NKAIN2: variants seen among roughly 807,000 people sequenced by gnomAD.
NKAIN2 encodes the protein sodium/potassium transporting ATPase interacting 2.
In NKAIN2, 14 loss-of-function variants were observed where a neutral mutation model predicts 32.6. That is an observed-to-expected ratio of 0.43 (90% CI 0.28 to 0.67). The LOEUF (loss-of-function observed/expected upper bound fraction) is 0.67, where lower values mean the gene tolerates loss of function less well. Ranked by LOEUF, NKAIN2 falls within the 30% of genes least tolerant of loss-of-function variation. The pLI, the probability that NKAIN2 is intolerant of heterozygous loss-of-function variation, is 0.17. For synonymous variants in NKAIN2, 80 were observed against 87.2 expected, an observed-to-expected ratio of 0.92 and a Z score of 0.46; for missense variants, 198 against 258.3, an observed-to-expected ratio of 0.77 and a Z score of 1.60.
intron 4 of NKAIN2, among the ~76,000 whole-genome samples, chr6:124,789,419 C>A (rs1215076221): frequency 6.6e-6 from 1 of 151,946 alleles, no homozygotes. Flanking sequence ...AGAGGTGAAG[C>A]TATAAGCAAT....
At chr6:124,574,112 CGCA>C (rs1209311731) in intron 3 of NKAIN2, among the ~76,000 whole-genome samples, 2 of 152,140 alleles carry the variant, frequency 1.3e-5, no homozygotes, top group Non-Finnish European at 2.9e-5. Context: ...ATGTTGGACT[CGCA>C]GTGGCATGTA....
intron 1 of NKAIN2, among the ~76,000 whole-genome samples, chr6:123,927,040 G>T (rs140725046): frequency 1.3e-5 from 2 of 152,308 alleles, no homozygotes; most frequent in East Asian, 3.9e-4. Context: ...ATGAGAGAAA[G>T]TGCTGTGTTA....
intron 1 of NKAIN2, among the ~76,000 whole-genome samples, chr6:123,838,212 A>G (rs1177510733): frequency 1.3e-5 from 2 of 152,204 alleles, no homozygotes; most frequent in Non-Finnish European, 1.5e-5. Flanking sequence ...TAAGACAAAT[A>G]CGATGTTTTA....
At chr6:124,649,073 AG>A (rs886988270) in intron 3 of NKAIN2, among the ~76,000 whole-genome samples, 21 of 152,170 alleles carry the variant, frequency 1.4e-4, no homozygotes, top group African/African-American at 4.6e-4. Flanking sequence ...TTATCACTCT[AG>A]GAAAAAAAAG....
intron 3 of NKAIN2, among the ~76,000 whole-genome samples, chr6:124,472,927 T>C (rs1777034784): frequency 6.6e-6 from 1 of 152,084 alleles, no homozygotes; most frequent in Admixed American, 6.6e-5. Context: ...GGTGGAGCTA[T>C]GTGGTAAATT....
intron 1 of NKAIN2, among the ~76,000 whole-genome samples, chr6:124,199,079 T>A (rs931843227): frequency 6.6e-6 from 1 of 152,222 alleles, no homozygotes; most frequent in African/African-American, 2.4e-5. Flanking sequence ...TCCCACAATT[T>A]ATTTTACCAA....
chr6:124,046,604 A>G (rs1047466853), intron 1 of NKAIN2, among the ~76,000 whole-genome samples: 1 of 151,988 alleles, frequency 6.6e-6, no homozygotes, highest in African/African-American at 2.4e-5. Context: ...TAAAGAGTTG[A>G]TCTTACACAC....
chr6:123,993,395 T>G (rs866143982), intron 1 of NKAIN2, among the ~76,000 whole-genome samples: 5 of 152,176 alleles, frequency 3.3e-5, no homozygotes, highest in African/African-American at 1.2e-4. Context: ...TTTATAAAAT[T>G]TACAATTTTA....
At chr6:124,144,793 A>T (rs1787315349) in intron 1 of NKAIN2, among the ~76,000 whole-genome samples, 1 of 152,176 alleles carries the variant, frequency 6.6e-6, no homozygotes, top group Non-Finnish European at 1.5e-5. Flanking sequence ...GGCCTAATTA[A>T]AAAAAGTTTG....
chr6:124,708,636 C>CTCTG, intron 4 of NKAIN2, among the ~76,000 whole-genome samples: 1 of 150,696 alleles, frequency 6.6e-6, no homozygotes, highest in Non-Finnish European at 1.5e-5. Context: ...TGATTTGGCT[C>CTCTG]TCTGTCTGTT....
chr6:124,225,962 C>T (rs1178054553), intron 1 of NKAIN2, among the ~76,000 whole-genome samples: 1 of 151,952 alleles, frequency 6.6e-6, no homozygotes, highest in Non-Finnish European at 1.5e-5. Flanking sequence ...ATTAAAGCAA[C>T]AGATAGGGAG....
chr6:124,629,058 G>A (rs974698841), intron 3 of NKAIN2, among the ~76,000 whole-genome samples: 2 of 152,010 alleles, frequency 1.3e-5, no homozygotes, highest in African/African-American at 4.8e-5. Flanking sequence ...GGAGTTGGTG[G>A]GGCTAAGTGA....
intron 2 of NKAIN2, among the ~76,000 whole-genome samples, chr6:124,292,996 T>C (rs1218538520): frequency 6.6e-6 from 1 of 152,102 alleles, no homozygotes; most frequent in East Asian, 1.9e-4. Flanking sequence ...CTGAAACTAG[T>C]GATACTTTCC....
chr6:124,186,217 GGA>G (rs1789731193), intron 1 of NKAIN2, among the ~76,000 whole-genome samples: 2 of 143,616 alleles, frequency 1.4e-5, no homozygotes, highest in African/African-American at 5.3e-5. Flanking sequence ...AAAGAAGGAA[GGA>G]AGGAAGGAAA....
Position 124,658,168 on chromosome 6 carries a change from T to C in NKAIN2, c.274-18T>C, listed in dbSNP as rs377067447. The C allele has an allele frequency of 7.1e-5, 110 of 1,556,356 alleles. No homozygotes were observed. The African/African-American group carries it at 1.4e-3, about 20-fold the overall frequency. ...ATTTATAAAGTAATTCTCATCCTTG[T>C]AAATTGCCTTCTTGCAGGAAACAGA... On this transcript the variant is annotated intron_variant, in intron 3 of 6. Coordinates refer to ENST00000368417, the MANE Select transcript of NKAIN2 (RefSeq NM_001040214.3).
At chr6:124,040,492 T>A (rs778354524) in intron 1 of NKAIN2, among the ~76,000 whole-genome samples, 1 of 152,022 alleles carries the variant, frequency 6.6e-6, no homozygotes, top group Non-Finnish European at 1.5e-5. Flanking sequence ...TTCCTCTTTG[T>A]CATAATTACC....
At chr6:123,934,577 T>C (rs1212453090) in intron 1 of NKAIN2, among the ~76,000 whole-genome samples, 1 of 152,132 alleles carries the variant, frequency 6.6e-6, no homozygotes, top group Non-Finnish European at 1.5e-5. Flanking sequence ...AGGGTTTCTT[T>C]AGTACTTGGT....
At chr6:124,274,749 A>T (rs1562464764) in intron 1 of NKAIN2, among the ~76,000 whole-genome samples, 1 of 152,092 alleles carries the variant, frequency 6.6e-6, no homozygotes. Context: ...ATATATATTA[A>T]TAATTATTAT....
intron 5 of NKAIN2, among the ~76,000 whole-genome samples, chr6:124,793,578 T>TA (rs1159042901): frequency 6.6e-6 from 1 of 151,626 alleles, no homozygotes; most frequent in Non-Finnish European, 1.5e-5. Context: ...AGACAATACT[T>TA]ACTGACATAC....
Sources: gnomAD v4.1 joint callset for allele counts (sites outside exome capture counted in the v4.1 genomes callset) on GRCh38, gnomAD v4.1.1 for gene constraint, MANE v1.5 for transcripts, NCBI Gene and HGNC (gene_info 2026-07-23, HGNC 2026-07-21) for gene names.